VWA3B: variants seen among roughly 807,000 people sequenced by gnomAD.
VWA3B encodes von Willebrand factor A domain-containing protein 3B.
VWA3B carries 138 observed loss-of-function variants against 158.3 expected under a neutral mutation model. The observed-to-expected ratio is 0.87, with a 90% CI of 0.76 to 1.00. The LOEUF is 1.00. Ranked by LOEUF, VWA3B falls within the 50% of genes least tolerant of loss-of-function variation. VWA3B has a pLI of 0.00. For missense variants in VWA3B, 1,555 were observed against 1,565.1 expected (o/e 0.99, Z 0.11); for synonymous variants, 596 against 587.3 (o/e 1.01, Z -0.21).
At chr2:98,308,942 T>C (rs904281513) in intron 26 of VWA3B, among the ~76,000 whole-genome samples, 1 of 152,032 alleles carries the variant, frequency 6.6e-6, no homozygotes, top group African/African-American at 2.4e-5. Flanking sequence ...GAGGCCGAGA[T>C]GGGCAGATCA....
At chr2:98,324,648 T>C in the VWA3B span, among the ~76,000 whole-genome samples, 11 of 152,332 alleles carry the variant, frequency 7.2e-5, no homozygotes, top group South Asian at 2.3e-3. Flanking sequence ...TCAGAGTCTC[T>C]ACAACCTAAC....
At chr2:98,197,944 A>G (rs1230350321) in intron 12 of VWA3B, among the ~76,000 whole-genome samples, 1 of 152,030 alleles carries the variant, frequency 6.6e-6, no homozygotes, top group African/African-American at 2.4e-5. Context: ...GGATTGTATC[A>G]CTGCTTTTAC....
intron 7 of VWA3B, among the ~76,000 whole-genome samples, chr2:98,156,115 G>T (rs867886036): frequency 3.3e-5 from 5 of 152,174 alleles, no homozygotes; most frequent in African/African-American, 9.7e-5. Context: ...CCACACTCTG[G>T]GAAGACCGCA....
downstream of VWA3B, among the ~76,000 whole-genome samples, chr2:98,316,895 T>C (rs1017689118): frequency 1.3e-5 from 2 of 152,202 alleles, no homozygotes; most frequent in African/African-American, 4.8e-5. Context: ...GGAAGCTTCC[T>C]GAGGCCTCCC....
intron 12 of VWA3B, among the ~76,000 whole-genome samples, chr2:98,208,043 T>A (rs1683165481): frequency 6.6e-6 from 1 of 152,150 alleles, no homozygotes; most frequent in Non-Finnish European, 1.5e-5. Context: ...TTTGAAGCTC[T>A]GTTGTTTGAT....
At chr2:98,137,028 A>T (rs1676339482) in intron 7 of VWA3B, among the ~76,000 whole-genome samples, 1 of 152,132 alleles carries the variant, frequency 6.6e-6, no homozygotes, top group Non-Finnish European at 1.5e-5. Flanking sequence ...GATATACCAC[A>T]TCTTGTTTAC....
chr2:98,313,832 T>A (rs997083566), downstream of VWA3B, among the ~76,000 whole-genome samples: 1 of 152,164 alleles, frequency 6.6e-6, no homozygotes, highest in Non-Finnish European at 1.5e-5. Flanking sequence ...GCTAGTTGCA[T>A]TGGTGTTACA....
intron 19 of VWA3B, among the ~76,000 whole-genome samples, chr2:98,250,070 T>C (rs930028454): frequency 6.6e-6 from 1 of 152,096 alleles, no homozygotes; most frequent in African/African-American, 2.4e-5. Context: ...TTTTGGTGTG[T>C]GTGTGTGCAT....
chr2:98,229,434 A>G (rs1279165013), intron 15 of VWA3B, among the ~76,000 whole-genome samples: 2 of 152,166 alleles, frequency 1.3e-5, no homozygotes, highest in Non-Finnish European at 2.9e-5. Flanking sequence ...TTGGAGCAGA[A>G]ATTGCTCTGG....
intron 1 of VWA3B, among the ~76,000 whole-genome samples, chr2:98,087,657 G>A (rs1681962517): frequency 6.6e-6 from 1 of 152,172 alleles, no homozygotes; most frequent in Non-Finnish European, 1.5e-5. Flanking sequence ...GGTTTTCCTA[G>A]TTTCTGTCTA....
chr2:98,142,877 G>C (rs968435838), intron 7 of VWA3B, among the ~76,000 whole-genome samples: 2 of 152,160 alleles, frequency 1.3e-5, no homozygotes, highest in East Asian at 3.8e-4. Context: ...TGGCTGGAGA[G>C]CACTCGGAAT....
intron 8 of VWA3B, among the ~76,000 whole-genome samples, chr2:98,176,119 C>T (rs888894041): frequency 2.4e-4 from 36 of 152,252 alleles, no homozygotes; most frequent in African/African-American, 7.9e-4. Context: ...CATGCTGAAC[C>T]GGCTCACAGG....
chr2:98,186,082 C>A (rs757485081), intron 9 of VWA3B, among the ~76,000 whole-genome samples: 36 of 152,064 alleles, frequency 2.4e-4, no homozygotes, highest in Non-Finnish European at 4.4e-4. Context: ...CTCTGAATTG[C>A]TAAATCCAGG....
rs147052126 is a variant in VWA3B at position 98,180,435 on chromosome 2, A to C, written c.1115-581A>C. On this transcript the variant is annotated intron_variant, in intron 8 of 27. Coordinates refer to ENST00000477737, the MANE Select transcript of VWA3B (RefSeq NM_144992.5). ...TTAAACTCCTGACCTCAGGTGATCC[A>C]CCTGCCTTGGCCTCCCAAAGTGTTG... 5.2e-3 allele frequency among the ~76,000 whole-genome samples: 793 copies of C among 152,314 alleles called. 10 individuals are homozygous for C. The highest frequency in any genetic ancestry group is 0.018 in the African/African-American group (739 of 41,552).
chr2:98,173,606 G>C (rs982882361), intron 8 of VWA3B, among the ~76,000 whole-genome samples: 65 of 152,152 alleles, frequency 4.3e-4, no homozygotes, highest in African/African-American at 1.5e-3. Flanking sequence ...CATATAACTT[G>C]GGAAAGATAC....
At chr2:98,285,143 T>C (rs1440962132) in intron 22 of VWA3B, among the ~76,000 whole-genome samples, 1 of 152,188 alleles carries the variant, frequency 6.6e-6, no homozygotes, top group Non-Finnish European at 1.5e-5. Flanking sequence ...ACAATCCAGT[T>C]TTAGAACGTT....
At chr2:98,214,496 C>A (rs1444618651) in intron 13 of VWA3B, among the ~76,000 whole-genome samples, 1 of 152,120 alleles carries the variant, frequency 6.6e-6, no homozygotes, top group Non-Finnish European at 1.5e-5. Flanking sequence ...TCCCTCTCAC[C>A]CCTTTCACCA....
At chr2:98,191,955 T>A (rs191322791) in intron 10 of VWA3B, among the ~76,000 whole-genome samples, 61 of 152,342 alleles carry the variant, frequency 4.0e-4, no homozygotes, top group Non-Finnish European at 5.0e-4. Context: ...TGCTTGCAGC[T>A]ACGAATTTCA....
chr2:98,264,357 A>C (rs1687663296), intron 21 of VWA3B, among the ~76,000 whole-genome samples: 1 of 152,078 alleles, frequency 6.6e-6, no homozygotes, highest in Non-Finnish European at 1.5e-5. Context: ...TGTGTTTACC[A>C]CTATAAACTT....
Sources: allele counts gnomAD v4.1 joint callset (sites outside exome capture counted in the v4.1 genomes callset), GRCh38; gene constraint gnomAD v4.1.1; transcripts MANE v1.5; gene names NCBI Gene and HGNC (gene_info 2026-07-23, HGNC 2026-07-21).